The following ANGPT1 variants were observed in gnomAD, a reference collection of about 807,000 sequenced individuals.
The protein encoded by ANGPT1 is angiopoietin 1.
In ANGPT1, 17 loss-of-function variants were observed where a neutral mutation model predicts 62.2. The observed-to-expected ratio is 0.27, with a 90% CI of 0.19 to 0.41. The LOEUF (loss-of-function observed/expected upper bound fraction) is 0.41. ANGPT1 is among the 10% of genes least tolerant of loss of function. The pLI, the probability that ANGPT1 is intolerant of heterozygous loss-of-function variation, is 1.00. For synonymous variants in ANGPT1, 199 were observed against 198.9 expected, an observed-to-expected ratio of 1.00 and a Z score of 0.00; for missense variants, 478 against 594.9, an observed-to-expected ratio of 0.80 and a Z score of 2.04.
chr8:107,271,160 C>T (rs1460389015), intron 7 of ANGPT1, among the ~76,000 whole-genome samples: 1 of 151,984 alleles, frequency 6.6e-6, no homozygotes, highest in Non-Finnish European at 1.5e-5. Context: ...TCTGGAAAGA[C>T]AGCATGACAT....
intron 1 of ANGPT1, among the ~76,000 whole-genome samples, chr8:107,407,610 A>G (rs1220482475): frequency 6.6e-6 from 1 of 152,182 alleles, no homozygotes; most frequent in Non-Finnish European, 1.5e-5. Context: ...AGAAAAGACA[A>G]CATGAAAGTC....
At chr8:107,264,662 A>G (rs1813572762) in intron 7 of ANGPT1, among the ~76,000 whole-genome samples, 1 of 152,220 alleles carries the variant, frequency 6.6e-6, no homozygotes, top group African/African-American at 2.4e-5. Flanking sequence ...TACAATGTCA[A>G]TTCAGCATGT....
chr8:107,472,852 C>A (rs1224596089), intron 1 of ANGPT1, among the ~76,000 whole-genome samples: 2 of 151,926 alleles, frequency 1.3e-5, no homozygotes, highest in Non-Finnish European at 2.9e-5. Context: ...AAGCAGGAAG[C>A]ATGGCAGAGT....
intron 1 of ANGPT1, among the ~76,000 whole-genome samples, chr8:107,374,608 G>A (rs747229183): frequency 2.6e-5 from 4 of 152,166 alleles, no homozygotes; most frequent in Non-Finnish European, 5.9e-5. Context: ...GGCTACTGGT[G>A]GACACTTCTG....
intron 1 of ANGPT1, among the ~76,000 whole-genome samples, chr8:107,431,071 C>G (rs1229159109): frequency 6.6e-6 from 1 of 152,212 alleles, no homozygotes; most frequent in East Asian, 1.9e-4. Flanking sequence ...AAACCTCACT[C>G]TCCCCTTGGT....
intron 3 of ANGPT1, among the ~76,000 whole-genome samples, chr8:107,325,139 C>CA (rs1290230617): frequency 1.3e-5 from 2 of 152,022 alleles, no homozygotes; most frequent in African/African-American, 4.8e-5. Context: ...AAAACACAAA[C>CA]AAAAACAAAA....
intron 1 of ANGPT1, among the ~76,000 whole-genome samples, chr8:107,451,537 T>C (rs1811779008): frequency 6.6e-6 from 1 of 151,976 alleles, no homozygotes; most frequent in Non-Finnish European, 1.5e-5. Flanking sequence ...ATCAGATCTA[T>C]ATCCATATGG....
In ANGPT1 at chr8:107,491,479, G is replaced by A. The variant is rs78421695; in HGVS notation, c.297+5783C>T. On this transcript the variant is annotated intron_variant, in intron 1 of 8. Coordinates refer to ENST00000517746, the MANE Select transcript of ANGPT1 (RefSeq NM_001146.5). Reference sequence around the variant, plus strand: ...GTAGAAAGTCTCTTAGTAAAGTGGGGAAGGTGGTAGGTAATGGTGCTCAGA... The same window carrying A: ...GTAGAAAGTCTCTTAGTAAAGTGGGAAAGGTGGTAGGTAATGGTGCTCAGA... Among the ~76,000 whole-genome samples, 532 of 152,312 alleles carry A rather than the reference G, an allele frequency of 3.5e-3. 6 individuals are homozygous for A. The highest frequency in any genetic ancestry group is 0.012 in the African/African-American group (502 of 41,564).
chr8:107,328,722 C>A (rs1300423569), intron 3 of ANGPT1, among the ~76,000 whole-genome samples: 1 of 151,864 alleles, frequency 6.6e-6, no homozygotes, highest in Non-Finnish European at 1.5e-5. Flanking sequence ...ATGGTTAATA[C>A]ACACAAAAAC....
At chr8:107,367,551 GTCTC>G (rs1163779036) in intron 1 of ANGPT1, among the ~76,000 whole-genome samples, 2 of 151,974 alleles carry the variant, frequency 1.3e-5, no homozygotes, top group African/African-American at 2.4e-5. Context: ...CATGCTCTCT[GTCTC>G]TCTCTGTCTC....
intron 1 of ANGPT1, among the ~76,000 whole-genome samples, chr8:107,416,187 A>G (rs538401313): frequency 3.9e-5 from 6 of 152,256 alleles, no homozygotes; most frequent in Admixed American, 3.3e-4. Context: ...CAGTCCCACA[A>G]AACTGCCCCC....
At chr8:107,472,889 A>G (rs978645178) in intron 1 of ANGPT1, among the ~76,000 whole-genome samples, 2 of 152,064 alleles carry the variant, frequency 1.3e-5, no homozygotes, top group African/African-American at 2.4e-5. Context: ...TTAAAGAAGA[A>G]AAGTGTTGGC....
intron 1 of ANGPT1, among the ~76,000 whole-genome samples, chr8:107,438,489 A>G (rs1360571626): frequency 6.6e-6 from 1 of 152,186 alleles, no homozygotes; most frequent in Non-Finnish European, 1.5e-5. Flanking sequence ...TTCTTACAAA[A>G]TATGTTCCTA....
intron 1 of ANGPT1, among the ~76,000 whole-genome samples, chr8:107,392,394 A>G (rs56030217): frequency 0.013 from 1,930 of 152,294 alleles, 44 homozygotes; most frequent in African/African-American, 0.044. Context: ...TGGTAGAAGA[A>G]AAAAATTATA....
intron 5 of ANGPT1, among the ~76,000 whole-genome samples, chr8:107,296,535 C>A (rs1416926086): frequency 6.6e-6 from 1 of 151,924 alleles, no homozygotes; most frequent in Non-Finnish European, 1.5e-5. Context: ...AGAGAGAATG[C>A]AGATTCCTGT....
intron 1 of ANGPT1, among the ~76,000 whole-genome samples, chr8:107,459,340 A>G (rs141445683): frequency 0.017 from 2,647 of 152,254 alleles, 24 homozygotes; most frequent in Non-Finnish European, 0.028. Context: ...ACTTGAGGTC[A>G]GGAGTTTGAG....
chr8:107,302,928 T>C (rs1470986403), intron 5 of ANGPT1, among the ~76,000 whole-genome samples: 1 of 151,910 alleles, frequency 6.6e-6, no homozygotes, highest in Non-Finnish European at 1.5e-5. Flanking sequence ...CTCTTTCCCA[T>C]AGACTCACGG....
intron 1 of ANGPT1, among the ~76,000 whole-genome samples, chr8:107,485,805 A>C (rs1201654546): frequency 6.6e-6 from 1 of 152,236 alleles, no homozygotes; most frequent in African/African-American, 2.4e-5. Context: ...AGGTCATTAC[A>C]TTGAATGGAA....
At chr8:107,297,179 G>A (rs1342771992) in intron 5 of ANGPT1, among the ~76,000 whole-genome samples, 2 of 152,062 alleles carry the variant, frequency 1.3e-5, no homozygotes, top group Non-Finnish European at 2.9e-5. Flanking sequence ...GTTGGAAGCT[G>A]AGGGACAGAG....
Sources: allele counts gnomAD v4.1 joint callset (sites outside exome capture counted in the v4.1 genomes callset), GRCh38; gene constraint gnomAD v4.1.1; transcripts MANE v1.5; gene names NCBI Gene and HGNC (gene_info 2026-07-23, HGNC 2026-07-21).